The following SLC35F1 variants were observed in gnomAD, a reference collection of about 807,000 sequenced individuals.
SLC35F1 encodes solute carrier family 35 member F1, also known as chromosome 6 open reading frame 169.
A neutral mutation model predicts 48.7 loss-of-function variants in SLC35F1; 14 were observed. The observed-to-expected ratio is 0.29, with a 90% CI of 0.19 to 0.45. SLC35F1 has a LOEUF of 0.45. Ranked by LOEUF, SLC35F1 falls within the 20% of genes least tolerant of loss-of-function variation. The pLI is 1.00. For synonymous variants in SLC35F1, 190 were observed against 202.2 expected (o/e 0.94, Z 0.51); for missense variants, 404 against 500.0 (o/e 0.81, Z 1.83).
chr6:118,277,474 C>T lies in SLC35F1; in HGVS notation c.795-20C>T. The T allele has an allele frequency of 6.2e-7, 1 of 1,612,142 alleles. No homozygotes were observed. Among genetic ancestry groups the T allele is most frequent in the Non-Finnish European group, 8.5e-7 (1 of 1,178,342 alleles). On this transcript the variant is annotated intron_variant, in intron 5 of 7. Transcript: ENST00000360388. ...GCATTCTAATCTTGCTCATCAGGTT[C>T]ATTTCCTTTGAATTTGCAGAGCTAT...
intron 1 of SLC35F1, among the ~76,000 whole-genome samples, chr6:118,133,004 G>C (rs1773738669): frequency 6.6e-6 from 1 of 152,124 alleles, no homozygotes; most frequent in Non-Finnish European, 1.5e-5. Context: ...GAAGGAAGAG[G>C]GTTGACAGCT....
In SLC35F1 at chr6:118,008,831, T is replaced by C. The variant is rs1233320677; in HGVS notation, c.173+100932T>C. 2.0e-5 allele frequency among the ~76,000 whole-genome samples: 3 copies of C among 152,222 alleles called. No individual in the cohort carries two copies. In the South Asian group the frequency reaches 6.2e-4, roughly 31 times the overall value. ...TCTTTAATATTTTGCTTCCACTGTC[T>C]AAACTCCCTCTGGAGTTTGTTTCTT... On this transcript the variant is annotated intron_variant, in intron 1 of 7. Coordinates refer to ENST00000360388, the MANE Select transcript of SLC35F1 (RefSeq NM_001029858.4).
chr6:118,304,368 T>TAAAA (rs746442246), intron 7 of SLC35F1, among the ~76,000 whole-genome samples: 8 of 117,416 alleles, frequency 6.8e-5, no homozygotes, highest in Non-Finnish European at 1.2e-4. Context: ...CTTCATCTCT[T>TAAAA]AAAAAAAAAA....
chr6:118,225,421 AAAAACTGGTTAACCATATGCAGAAGAG>A, intron 2 of SLC35F1, among the ~76,000 whole-genome samples: 1 of 152,224 alleles, frequency 6.6e-6, no homozygotes, highest in Non-Finnish European at 1.5e-5. Flanking sequence ...ATGATCCTGG[AAAAACTGGTTAACCATATGCAGAAGAG>A]GGAATCTAGA....
At chr6:118,279,995 A>T (rs1045874417) in intron 6 of SLC35F1, among the ~76,000 whole-genome samples, 1 of 152,038 alleles carries the variant, frequency 6.6e-6, no homozygotes, top group African/African-American at 2.4e-5. Flanking sequence ...TTCCTTTGGG[A>T]TACATGTTTT....
At chr6:118,039,593 T>G (rs1037629057) in intron 1 of SLC35F1, among the ~76,000 whole-genome samples, 1 of 151,980 alleles carries the variant, frequency 6.6e-6, no homozygotes, top group Admixed American at 6.6e-5. Flanking sequence ...TATTTTCAAT[T>G]TCCTTGCCTT....
chr6:118,210,878 C>T (rs770089013), intron 2 of SLC35F1, among the ~76,000 whole-genome samples: 1 of 152,184 alleles, frequency 6.6e-6, no homozygotes, highest in Non-Finnish European at 1.5e-5. Flanking sequence ...CTGCTATGGG[C>T]TGAACTGTGC....
chr6:118,093,847 G>A (rs1773111851), intron 1 of SLC35F1, among the ~76,000 whole-genome samples: 2 of 152,214 alleles, frequency 1.3e-5, no homozygotes, highest in Admixed American at 6.5e-5. Context: ...CCAAGACAGT[G>A]TGGTGTCCTG....
intron 6 of SLC35F1, among the ~76,000 whole-genome samples, chr6:118,284,929 C>T (rs1039330565): frequency 2.6e-5 from 4 of 151,822 alleles, no homozygotes; most frequent in South Asian, 4.1e-4. Flanking sequence ...CTAAGAGGCA[C>T]TCCTTCCCAG....
At chr6:118,257,614 C>T (rs576449432) in intron 3 of SLC35F1, among the ~76,000 whole-genome samples, 87 of 152,224 alleles carry the variant, frequency 5.7e-4, no homozygotes, top group African/African-American at 2.0e-3. Flanking sequence ...TTATTTTCTG[C>T]CAGTTAAATC....
chr6:118,035,506 C>T (rs1267294913), intron 1 of SLC35F1, among the ~76,000 whole-genome samples: 11 of 150,312 alleles, frequency 7.3e-5, no homozygotes, highest in Non-Finnish European at 5.9e-5. Context: ...CCCAGCTACT[C>T]GGGAGGCTGA....
At chr6:117,993,387 A>G (rs1390081188) in intron 1 of SLC35F1, among the ~76,000 whole-genome samples, 1 of 152,172 alleles carries the variant, frequency 6.6e-6, no homozygotes, top group Non-Finnish European at 1.5e-5. Flanking sequence ...ATATTTTTAC[A>G]GAAGTACCAG....
intron 1 of SLC35F1, among the ~76,000 whole-genome samples, chr6:117,999,626 A>C (rs562982304): frequency 1.3e-5 from 2 of 152,146 alleles, no homozygotes; most frequent in South Asian, 2.1e-4. Flanking sequence ...ATAGAGACCC[A>C]AAAAAACCCT....
intron 1 of SLC35F1, among the ~76,000 whole-genome samples, chr6:117,949,466 C>T (rs1021827077): frequency 2.0e-5 from 3 of 152,000 alleles, no homozygotes; most frequent in African/African-American, 7.3e-5. Context: ...GTAGTTATTT[C>T]CCCTCTTTCC....
At chr6:118,250,399 T>A (rs1056820583) in intron 3 of SLC35F1, among the ~76,000 whole-genome samples, 1 of 152,236 alleles carries the variant, frequency 6.6e-6, no homozygotes, top group Non-Finnish European at 1.5e-5. Flanking sequence ...ATTCATAAAA[T>A]ACTTGTAGGG....
chr6:117,923,924 ATG>A (rs1260918396), intron 1 of SLC35F1, among the ~76,000 whole-genome samples: 1 of 150,174 alleles, frequency 6.7e-6, no homozygotes, highest in Non-Finnish European at 1.5e-5. Flanking sequence ...ATATATACAT[ATG>A]TGTTATGTAC....
At position 117,911,861 on chromosome 6, in the gene SLC35F1, G is replaced by T. The variant is rs568942194; in HGVS notation, c.173+3962G>T. On this transcript the variant is annotated intron_variant, in intron 1 of 7. Coordinates refer to ENST00000360388, the MANE Select transcript of SLC35F1 (RefSeq NM_001029858.4). Reference sequence around the variant, plus strand: ...TGATGACCCTCTCAAAGAAACTGCTGATCAGGTAGATTTCTTAGACACATA... The same window carrying T: ...TGATGACCCTCTCAAAGAAACTGCTTATCAGGTAGATTTCTTAGACACATA... Among the ~76,000 whole-genome samples, 15 of 152,280 alleles carry T rather than the reference G, an allele frequency of 9.9e-5. No homozygotes were observed. The South Asian group carries it at 3.1e-3, about 32-fold the overall frequency.
In SLC35F1 at chr6:117,937,361, A is replaced by G. The variant is rs190170890; in HGVS notation, c.173+29462A>G. 2.5e-3 allele frequency among the ~76,000 whole-genome samples: 375 copies of G among 152,368 alleles called. 1 individual carries two copies. Among genetic ancestry groups the G allele is most frequent in the Non-Finnish European group, 4.0e-3 (274 of 68,040 alleles). ...GACTGCGTGGTAAACATTGAAGCAT[A>G]TGCTACAGCCTTCTATTATTGGGTT... On this transcript the variant is annotated intron_variant, in intron 1 of 7. Coordinates refer to ENST00000360388, the MANE Select transcript of SLC35F1 (RefSeq NM_001029858.4).
chr6:117,976,074 G>GA (rs1293093703), intron 1 of SLC35F1, among the ~76,000 whole-genome samples: 1 of 152,174 alleles, frequency 6.6e-6, no homozygotes, highest in African/African-American at 2.4e-5. Flanking sequence ...ATTGTATGTT[G>GA]AAAATCTAAA....
Sources: gnomAD v4.1 joint callset for allele counts (sites outside exome capture counted in the v4.1 genomes callset) on GRCh38, gnomAD v4.1.1 for gene constraint, MANE v1.5 for transcripts, NCBI Gene and HGNC (gene_info 2026-07-23, HGNC 2026-07-21) for gene names.